MORN3: variants seen among roughly 807,000 people sequenced by gnomAD.
The protein encoded by MORN3 is MORN repeat-containing protein 3.
In MORN3, 38 loss-of-function variants were observed where a neutral mutation model predicts 34.7. The observed-to-expected ratio is 1.10, with a 90% CI of 0.85 to 1.44. MORN3 has a LOEUF of 1.44. Among genes scored for constraint, MORN3 ranks in the 40% most tolerant of loss-of-function variants. The pLI is 0.00. For missense variants in MORN3, 311 were observed against 321.7 expected (o/e 0.97, Z 0.25); for synonymous variants, 109 against 115.3 (o/e 0.95, Z 0.35).
rs1893506554 is a variant in MORN3, at chr12:121,659,198, T to A, written c.296A>T (p.Lys99Met). 3.1e-6 allele frequency: 5 copies of A among 1,612,776 alleles called. No homozygotes were observed. Among genetic ancestry groups the A allele is most frequent in the Non-Finnish European group, 4.2e-6 (5 of 1,179,230 alleles). ...RVYSGWWKGDKKSGYGIQFFG... is the reference protein window; with the variant it reads ...RVYSGWWKGDMKSGYGIQFFG... ...GCTGGCAGGCCTGCTCACCGATTTC[T>A]TATCACCTTTCCACCAGCCTGAGTA... Residue 99 changes from lysine to methionine, a missense_variant, in exon 2 of 6, where the codon AAG becomes ATG. Transcript: ENST00000355329.
rs1453232190 is a variant in MORN3, at chr12:121,665,339, G to A, written c.145+4000C>T. Among the ~76,000 whole-genome samples the A allele has an allele frequency of 5.0e-5, 6 of 121,106 alleles. No homozygotes were observed. The South Asian group carries it at 1.7e-3, about 34-fold the overall frequency. The allele number at this position is 121,106 out of a possible 152,430, so 79.5% of individuals were successfully genotyped here. A position where few individuals can be genotyped will look rare whatever the true frequency, so the allele number is the denominator to read the frequency against. On this transcript the variant is annotated intron_variant, in intron 1 of 5. Coordinates refer to ENST00000355329, the MANE Select transcript of MORN3 (RefSeq NM_173855.5). ...GGTGTCTCGCTCTGTCGCCCAGGCT[G>A]GAGTGCACTGGCGCGATCTCGGCTC...
rs148472003 is a variant in MORN3 at position 121,662,629 on chromosome 12, C to A, written c.146-3281G>T. ...ATTAGCTGGGCATGGTGGTGAGCAC[C>A]TGTAATTCTAGCTACTGGGGAGGCT... is the stretch of plus-strand genomic sequence containing the variant. On this transcript the variant is annotated intron_variant, in intron 1 of 5. Transcript: ENST00000355329. Among the ~76,000 whole-genome samples the A allele has an allele frequency of 8.3e-3, 1,253 of 151,824 alleles. 8 individuals are homozygous for A. Among genetic ancestry groups the A allele is most frequent in the Non-Finnish European group, 0.014 (951 of 67,962 alleles).
intron 1 of MORN3, among the ~76,000 whole-genome samples, chr12:121,664,841 G>GTT (rs58324239): frequency 8.7e-5 from 6 of 69,286 alleles, no homozygotes; most frequent in Non-Finnish European, 1.1e-4. Context: ...AAAACAACCT[G>GTT]TTTTTTTTTT....
intron 2 of MORN3, among the ~76,000 whole-genome samples, chr12:121,657,972 C>G (rs1457213332): frequency 6.6e-6 from 1 of 152,012 alleles, no homozygotes; most frequent in African/African-American, 2.4e-5. Context: ...CTTGATGAAT[C>G]GGCTCTGTCT....
At chr12:121,672,214 G>A (rs1893987926), upstream of MORN3, among the ~76,000 whole-genome samples, 2 of 151,902 alleles carry the variant, frequency 1.3e-5, no homozygotes, top group African/African-American at 4.8e-5. Context: ...ATCCCAGCAC[G>A]TTGGGAAGCT....
At chr12:121,663,843 G>A (rs1168972786) in intron 1 of MORN3, among the ~76,000 whole-genome samples, 1 of 151,948 alleles carries the variant, frequency 6.6e-6, no homozygotes, top group East Asian at 1.9e-4. Context: ...GTCTGGTAGG[G>A]CCCAACCACA....
intron 3 of MORN3, 123 bp from the exon 4 acceptor site, chr12:121,653,382 TA>T: frequency 9.9e-7 from 1 of 1,012,006 alleles, no homozygotes; most frequent in South Asian, 1.6e-5. Flanking sequence ...GGGAGGCTCA[TA>T]AGCCCAGGAG....
At position 121,650,578 on chromosome 12, in the gene MORN3, A is replaced by T. The variant is rs1294042467; in HGVS notation, c.*1073T>A. ...CCAGGCTCGATGGCTCACACCTGTA[A>T]TCCCAGCACTTTAGGAGACTGAGCG... On this transcript the variant is annotated 3_prime_UTR_variant, in exon 6 of 6. Transcript: ENST00000355329. 1.3e-5 allele frequency: 2 copies of T among 148,652 alleles called. No homozygotes were observed. The highest frequency in any genetic ancestry group is 2.1e-4 in the South Asian group (1 of 4,710). The allele number at this position is 148,652 out of a possible 1,614,324, so 9.2% of individuals were successfully genotyped here.
chr12:121,672,409 A>G (rs925969105), upstream of MORN3, among the ~76,000 whole-genome samples: 2 of 152,028 alleles, frequency 1.3e-5, no homozygotes, highest in African/African-American at 4.8e-5. Context: ...GCAGTGAGCT[A>G]TCATCCGGCG....
intron 1 of MORN3, among the ~76,000 whole-genome samples, chr12:121,662,652 G>A (rs1205809196): frequency 1.3e-5 from 2 of 151,746 alleles, no homozygotes; most frequent in Non-Finnish European, 2.9e-5. Flanking sequence ...TACTGGGGAG[G>A]CTAAGGCTGG....
At chr12:121,669,817 T>TAC, upstream of MORN3, among the ~76,000 whole-genome samples, 1 of 118,052 alleles carries the variant, frequency 8.5e-6, no homozygotes, top group East Asian at 2.8e-4. Context: ...TATATACATA[T>TAC]ATATATATAT....
chr12:121,660,102 C>T (rs1044248773), intron 1 of MORN3, among the ~76,000 whole-genome samples: 3 of 150,956 alleles, frequency 2.0e-5, no homozygotes, highest in African/African-American at 4.9e-5. Context: ...GGCGTGGTGG[C>T]AGGCGCCTGT....
chr12:121,652,856 G>C, intron 4 of MORN3, 48 bp from the exon 5 acceptor site: 1 of 1,599,016 alleles, frequency 6.3e-7, no homozygotes. Context: ...GGAGGACCCA[G>C]GCTGCCAGCC....
intron 1 of MORN3, among the ~76,000 whole-genome samples, chr12:121,668,642 A>C (rs1893850531): frequency 6.6e-6 from 1 of 152,028 alleles, no homozygotes; most frequent in Non-Finnish European, 1.5e-5. Context: ...TGAGCCCAGG[A>C]TCTCGAGGCT....
chr12:121,660,560 A>G (rs986962711), intron 1 of MORN3, among the ~76,000 whole-genome samples: 5 of 151,508 alleles, frequency 3.3e-5, no homozygotes, highest in African/African-American at 1.2e-4. Context: ...CATATTGGCC[A>G]GGCTGGTCTC....
chr12:121,661,331 C>T (rs926522358), intron 1 of MORN3, among the ~76,000 whole-genome samples: 7 of 152,146 alleles, frequency 4.6e-5, no homozygotes, highest in African/African-American at 1.7e-4. Context: ...TAAAGAGATT[C>T]TCCCTTCTCA....
upstream of MORN3, among the ~76,000 whole-genome samples, chr12:121,669,832 ATTTTT>A (rs63366260): frequency 7.5e-6 from 1 of 133,616 alleles, no homozygotes; most frequent in African/African-American, 2.9e-5. Context: ...ATATATATAT[ATTTTT>A]TTTTTTATGT....
intron 2 of MORN3, among the ~76,000 whole-genome samples, chr12:121,658,690 T>G (rs936697342): frequency 6.6e-6 from 1 of 151,928 alleles, no homozygotes; most frequent in Non-Finnish European, 1.5e-5. Context: ...TCCACACTTG[T>G]GGGAGTAGAT....
At chr12:121,660,274 C>G (rs1893538951) in intron 1 of MORN3, among the ~76,000 whole-genome samples, 1 of 150,962 alleles carries the variant, frequency 6.6e-6, no homozygotes, top group Non-Finnish European at 1.5e-5. Flanking sequence ...AACAAACAAA[C>G]AAACAAACTG....
Sources: allele counts gnomAD v4.1 joint callset (sites outside exome capture counted in the v4.1 genomes callset), GRCh38; gene constraint gnomAD v4.1.1; transcripts MANE v1.5; gene names NCBI Gene and HGNC (gene_info 2026-07-23, HGNC 2026-07-21).